CAD: variants seen among roughly 807,000 people sequenced by gnomAD.
CAD encodes the protein carbamoyl-phosphate synthetase 2, aspartate transcarbamylase, and dihydroorotase.
A neutral mutation model predicts 237.2 loss-of-function variants in CAD; 81 were observed. The ratio of observed to expected loss-of-function variants is 0.34; its 90% CI spans 0.29 to 0.41. CAD has a LOEUF of 0.41. CAD is among the 10% of genes least tolerant of loss of function. The pLI, the probability that CAD is intolerant of heterozygous loss-of-function variation, is 1.00. For missense variants in CAD, 2,181 were observed against 2,951.7 expected (o/e 0.74, Z 6.05); for synonymous variants, 1,196 against 1,162.8 (o/e 1.03, Z -0.58).
At chr2:27,234,321 C>T in intron 22 of CAD, 95 bp downstream of exon 22, 2 of 1,295,188 alleles carry the variant, frequency 1.5e-6, no homozygotes, top group Non-Finnish European at 2.2e-6. Flanking sequence ...CTCCTGCCTT[C>T]ATCCAAGTAG....
chr2:27,231,956 G>C (rs770450249), intron 16 of CAD, 24 bp from the exon 17 acceptor site: 1 of 1,613,392 alleles, frequency 6.2e-7, no homozygotes, highest in Non-Finnish European at 8.5e-7. Flanking sequence ...AGTAGCTTCC[G>C]TCTGTCTACC....
chr2:27,231,540 G>A lies in CAD; in HGVS notation c.2360G>A (p.Cys787Tyr). 1 of 1,613,862 alleles carries A rather than the reference G, an allele frequency of 6.2e-7. No individual in the cohort carries two copies. Among genetic ancestry groups the A allele is most frequent in the East Asian group, 2.2e-5 (1 of 44,872 alleles). ...GCCCTGCGCATGGTGGATGAGAACT[G>A]TGTGGGCTTTGATCACACAGTGAAA... ...QKALRMVDENCVGFDHTVKPV... is the reference protein window; with the variant it reads ...QKALRMVDENYVGFDHTVKPV... Residue 787 changes from cysteine to tyrosine, a missense_variant, in exon 16 of 44, where the codon TGT (cysteine) becomes TAT (tyrosine). Cys to Tyr is a radical substitution (Grantham distance 194). Around this residue, in one of 12 missense-constraint regions of CAD, gnomAD observed 385 missense variants for 535.1 expected, o/e 0.72. Coordinates refer to ENST00000264705, the MANE Select transcript of CAD (RefSeq NM_004341.5).
Position 27,234,580 on chromosome 2 carries a change from C to G in CAD, c.3681C>G (p.Ser1227=), listed in dbSNP as rs565356221. 1 of 1,614,042 alleles carries G rather than the reference C, an allele frequency of 6.2e-7. No individual in the cohort carries two copies. Among genetic ancestry groups the G allele is most frequent in the Admixed American group, 1.7e-5 (1 of 60,012 alleles). ...VRVSRSFPFV[S]KTLGVDLVAL... is the part of the protein sequence containing the mutation. ...TCTCTCGCTCCTTCCCCTTCGTTTC[C>G]AAGACACTGGGTGTGGACCTAGTAG... The change falls in exon 23 of 44, where the codon TCC becomes TCG. Residue 1227 remains serine, a synonymous_variant. Transcript: ENST00000264705.
intron 13 of CAD, 26 bp downstream of exon 13, chr2:27,226,345 AG>A (rs1675443458): frequency 6.2e-7 from 1 of 1,605,816 alleles, no homozygotes. Flanking sequence ...TGGAACTGAT[AG>A]TCTAGTTGTT....
intron 3 of CAD, among the ~76,000 whole-genome samples, 192 bp from the exon 4 acceptor site, chr2:27,222,002 C>G (rs551547098): frequency 6.6e-6 from 1 of 150,540 alleles, no homozygotes; most frequent in African/African-American, 2.5e-5. Flanking sequence ...TAGAGTTGTT[C>G]AATTCAGATG....
In CAD at chr2:27,222,660, G is replaced by C. The variant is rs759320148; in HGVS notation, c.637G>C (p.Glu213Gln). The change falls in exon 5 of 44, where the codon GAG becomes CAG. Residue 213 changes from glutamate to glutamine, a missense_variant and splice_region_variant. Physicochemically the swap from Glu to Gln is conservative, Grantham distance 29. This residue lies in a region of CAD where 314 missense variants were observed against 339.4 expected (regional missense o/e 0.93). Coordinates refer to ENST00000264705, the MANE Select transcript of CAD (RefSeq NM_004341.5). ...VPWDHALDSQEYEGLFLSNGP... is the reference protein window; with the variant it reads ...VPWDHALDSQQYEGLFLSNGP... ...CTGGGACCATGCACTAGACAGCCAA[G>C]GTGAGTAGCTGGGGCCTGTTCAGGG... 2.5e-6 allele frequency: 4 copies of C among 1,612,634 alleles called. No individual in the cohort carries two copies. Among genetic ancestry groups the C allele is most frequent in the South Asian group, 2.2e-5 (2 of 91,078 alleles).
At chr2:27,238,318 A>T (rs1676124452) in intron 30 of CAD, 113 bp from the exon 31 acceptor site, 1 of 1,461,954 alleles carries the variant, frequency 6.8e-7, no homozygotes, top group Non-Finnish European at 9.3e-7. Flanking sequence ...TCGAGCCAGC[A>T]CCCTTGCAGG....
Position 27,237,876 on chromosome 2 carries a change from G to T in CAD, c.4722G>T (p.Trp1574Cys), listed in dbSNP as rs966829202. The change falls in exon 29 of 44, where the codon TGG becomes TGT. Residue 1574 changes from tryptophan to cysteine, a missense_variant. Physicochemically the swap from Trp to Cys is radical, Grantham distance 215. Transcript: ENST00000264705. This position sits in a 1 kb window ranked among gnomAD's most constrained non-coding sequence, Gnocchi z 4.0. ...SELRLDSVVQ[W>C]MEHFETWPSH... ...TGCGGCTGGACAGCGTGGTCCAGTG[G>T]ATGGAGGTAGGGAGTGTGCATGTGG... 1.2e-6 allele frequency: 2 copies of T among 1,610,142 alleles called. No homozygotes were observed. The highest frequency in any genetic ancestry group is 1.7e-5 in the Admixed American group (1 of 59,700).
In CAD at chr2:27,237,992, C is replaced by G; in HGVS notation, c.4729-64C>G. 6.3e-7 allele frequency: 1 copy of G among 1,595,254 alleles called. No homozygotes were observed. Among genetic ancestry groups the G allele is most frequent in the Non-Finnish European group, 8.6e-7 (1 of 1,167,902 alleles). The stretch of plus-strand genomic sequence containing the variant: ...GGATTCAGGGGAGCTCCTGGGGACT[C>G]TGGGCTCTGATGAGCACAGTCAGAG... On this transcript the variant is annotated intron_variant, in intron 29 of 43. Coordinates refer to ENST00000264705, the MANE Select transcript of CAD (RefSeq NM_004341.5). The surrounding 1 kb of genome is among the most constrained non-coding windows in gnomAD (Gnocchi z 4.0).
Position 27,239,451 on chromosome 2 carries a change from G to A in CAD, c.5374G>A (p.Val1792Ile). The change falls in exon 33 of 44, where the codon GTT becomes ATT. Residue 1792 changes from valine to isoleucine, a missense_variant. This residue lies in a region of CAD where 478 missense variants were observed against 515.0 expected (regional missense o/e 0.93). Transcript: ENST00000264705. This position sits in a 1 kb window ranked among gnomAD's most constrained non-coding sequence, Gnocchi z 4.0. Reference sequence around the variant, plus strand: ...CCGCCGTGTGGTCCTGCGAGGGGAGGTTGCCTATATCGATGGGCAGGTACG... The same window carrying A: ...CCGCCGTGTGGTCCTGCGAGGGGAGATTGCCTATATCGATGGGCAGGTACG... The part of the protein sequence containing the change: ...TVRRVVLRGE[V>I]AYIDGQVLVP... 1.2e-6 allele frequency: 2 copies of A among 1,613,890 alleles called. No individual in the cohort carries two copies. Among genetic ancestry groups the A allele is most frequent in the South Asian group, 1.1e-5 (1 of 91,066 alleles).
chr2:27,223,090 G>A, intron 6 of CAD, 53 bp downstream of exon 6: 1 of 1,570,876 alleles, frequency 6.4e-7, no homozygotes, highest in East Asian at 2.2e-5. Context: ...GAGGGGTGGG[G>A]TGTCTCAGGA....
At chr2:27,217,838 G>A (rs1226469195) in intron 1 of CAD, 39 bp from the exon 2 acceptor site, 2 of 1,555,130 alleles carry the variant, frequency 1.3e-6, no homozygotes, top group South Asian at 1.2e-5. Context: ...TGTTCCGAAG[G>A]GTGCCCTACC....
chr2:27,231,390 C>A, intron 15 of CAD, 78 bp from the exon 16 acceptor site: 1 of 810,362 alleles, frequency 1.2e-6, no homozygotes, highest in East Asian at 2.4e-5. Context: ...TGACTATAAA[C>A]CATAAGCATT....
Position 27,236,197 on chromosome 2 carries a change from G to A in CAD, c.4075-87G>A. ...TGGGTCCTCAGTCTCCTCATCATGG[G>A]CTCCTGGGCCAGCTCCTCTCCCTTA... is the stretch of plus-strand genomic sequence containing the variant. On this transcript the variant is annotated intron_variant, in intron 25 of 43. Transcript: ENST00000264705. The surrounding 1 kb of genome is among the most constrained non-coding windows in gnomAD (Gnocchi z 4.1). The A allele has an allele frequency of 6.5e-7, 1 of 1,540,562 alleles. No individual in the cohort carries two copies. Among genetic ancestry groups the A allele is most frequent in the South Asian group, 1.3e-5 (1 of 79,460 alleles).
chr2:27,224,025 G>C lies in CAD; in HGVS notation c.1104G>C (p.Gln368His). 6.2e-7 allele frequency: 1 copy of C among 1,607,066 alleles called. No homozygotes were observed. The highest frequency in any genetic ancestry group is 8.5e-7 in the Non-Finnish European group (1 of 1,173,522). ...KEATAGNPGG[Q>H]TVRERLTERL... ...CCACAGCTGGGAACCCTGGGGGCCA[G>C]ACAGGTAAGATCCTGAGTAGAACTG... Residue 368 changes from glutamine to histidine, a missense_variant, in exon 8 of 44, where the codon CAG becomes CAC. Gln to His is a conservative substitution (Grantham distance 24). Coordinates refer to ENST00000264705, the MANE Select transcript of CAD (RefSeq NM_004341.5).
rs1204449482 is a variant in CAD at position 27,234,578 on chromosome 2, T to G, written c.3679T>G (p.Ser1227Ala). Reference protein sequence around the residue: ...VRVSRSFPFVSKTLGVDLVAL... With the variant: ...VRVSRSFPFVAKTLGVDLVAL... ...TGTCTCTCGCTCCTTCCCCTTCGTTTCCAAGACACTGGGTGTGGACCTAGT... is the reference window on the plus strand; with the variant it reads ...TGTCTCTCGCTCCTTCCCCTTCGTTGCCAAGACACTGGGTGTGGACCTAGT... Residue 1227 changes from serine (S) to alanine (A), a missense_variant, in exon 23 of 44, where the codon TCC becomes GCC. By Grantham distance (99) the Ser-to-Ala change is moderately conservative. This residue lies in a region of CAD where 306 missense variants were observed against 607.9 expected (regional missense o/e 0.50). Coordinates refer to ENST00000264705, the MANE Select transcript of CAD (RefSeq NM_004341.5). The G allele has an allele frequency of 6.2e-7, 1 of 1,614,046 alleles. No homozygotes were observed. Among genetic ancestry groups the G allele is most frequent in the South Asian group, 1.1e-5 (1 of 91,076 alleles).
chr2:27,219,578 T>C (rs748505712), intron 2 of CAD, among the ~76,000 whole-genome samples: 1 of 151,974 alleles, frequency 6.6e-6, no homozygotes, highest in Non-Finnish European at 1.5e-5. Context: ...TCTTTTTTTA[T>C]TTAATTTTTT....
chr2:27,220,428 C>A (rs1013007233), intron 2 of CAD, among the ~76,000 whole-genome samples: 3 of 151,756 alleles, frequency 2.0e-5, no homozygotes, highest in Non-Finnish European at 4.4e-5. Context: ...GTGGGGGGAT[C>A]GCTTGAGCCC....
Position 27,238,098 on chromosome 2 carries a change from G to A in CAD, c.4771G>A (p.Ala1591Thr), listed in dbSNP as rs1031988936. 5.3e-5 allele frequency: 86 copies of A among 1,614,042 alleles called. No individual in the cohort carries two copies. Among genetic ancestry groups the A allele is most frequent in the Non-Finnish European group, 6.4e-5 (76 of 1,180,038 alleles). The change falls in exon 30 of 44, where the codon GCA becomes ACA. Residue 1591 changes from alanine to threonine, a missense_variant. Around this residue, in one of 12 missense-constraint regions of CAD, gnomAD observed 478 missense variants for 515.0 expected, o/e 0.93. Coordinates refer to ENST00000264705, the MANE Select transcript of CAD (RefSeq NM_004341.5). The stretch of plus-strand genomic sequence containing the variant: ...CTCCCACCTCCCCATTGTGGCTCAC[G>A]CAGAGCAGCAAACCGTGGCTGCTGT... ...WPSHLPIVAHAEQQTVAAVLM... is the reference protein window; with the variant it reads ...WPSHLPIVAHTEQQTVAAVLM...
Sources: gnomAD v4.1 joint callset for allele counts (sites outside exome capture counted in the v4.1 genomes callset) on GRCh38, gnomAD v4.1.1 for gene constraint, gnomAD v4.1.1 regional missense constraint, Gnocchi (gnomAD v3.1) non-coding constraint, MANE v1.5 for transcripts, NCBI Gene and HGNC (gene_info 2026-07-23, HGNC 2026-07-21) for gene names.